Variants in SLC66A2 observed in about 807,000 individuals in gnomAD.
SLC66A2 encodes the protein PQ loop repeat containing 1.
In SLC66A2, 23 loss-of-function variants were observed where a neutral mutation model predicts 25.5. The observed-to-expected ratio is 0.90, with a 90% CI of 0.65 to 1.28. The LOEUF is 1.28. SLC66A2 is among the 50% of genes most tolerant of loss of function. The pLI, the probability that SLC66A2 is intolerant of heterozygous loss-of-function variation, is 0.00. For missense variants in SLC66A2, 396 were observed against 373.1 expected (o/e 1.06, Z -0.51); for synonymous variants, 193 against 166.5 (o/e 1.16, Z -1.23).
Position 79,922,864 on chromosome 18 carries a change from C to T in SLC66A2, c.392-3464G>A, listed in dbSNP as rs1985425102. ...TTGGGGTATGGTGAGGTTAGGGGGG[C>T]TTGGGGGCATCAGAGGGCAGAGAGG... On this transcript the variant is annotated intron_variant, in intron 4 of 5. Transcript: ENST00000397778. 1.6e-4 allele frequency among the ~76,000 whole-genome samples: 8 copies of T among 51,464 alleles called. 1 individual carries two copies. The South Asian group carries it at 3.7e-3, about 23-fold the overall frequency. 33.8% of individuals were successfully genotyped at this position (51,464 alleles called of 152,430 possible). A position where few individuals can be genotyped will look rare whatever the true frequency, so the allele number is the denominator to read the frequency against.
intron 5 of SLC66A2, among the ~76,000 whole-genome samples, chr18:79,912,583 C>T: frequency 6.6e-6 from 1 of 152,086 alleles, no homozygotes; most frequent in South Asian, 2.1e-4. Context: ...GAAAGGCAAG[C>T]CCATGGAGAT....
chr18:79,937,892 T>C lies in SLC66A2; in HGVS notation c.338-3870A>G, dbSNP rs1391481267. Reference sequence around the variant, plus strand: ...CTGCAGGAGTACTCAGCAATCTTGTTAAAAATGCAGGTGGCACTGATGCCG... The same window carrying C: ...CTGCAGGAGTACTCAGCAATCTTGTCAAAAATGCAGGTGGCACTGATGCCG... On this transcript the variant is annotated intron_variant, in intron 3 of 5. Coordinates refer to ENST00000397778, the MANE Select transcript of SLC66A2 (RefSeq NM_025078.5). The surrounding 1 kb of genome is among the most constrained non-coding windows in gnomAD (Gnocchi z 5.4). Among the ~76,000 whole-genome samples, 2 of 151,954 alleles carry C rather than the reference T, an allele frequency of 1.3e-5. No homozygotes were observed. Among genetic ancestry groups the C allele is most frequent in the African/African-American group, 4.8e-5 (2 of 41,338 alleles).
chr18:79,934,403 C>T (rs1039131725), intron 3 of SLC66A2, among the ~76,000 whole-genome samples: 21 of 152,234 alleles, frequency 1.4e-4, no homozygotes, highest in African/African-American at 4.1e-4. Context: ...TTCCTAGAAA[C>T]TCATCTGTAT....
rs770962861 is a variant in SLC66A2 at position 79,925,432 on chromosome 18, G to A, written c.392-6032C>T. Among the ~76,000 whole-genome samples the A allele has an allele frequency of 5.5e-4, 84 of 152,344 alleles. 1 individual carries two copies. In the Middle Eastern group the frequency reaches 0.031, roughly 56 times the overall value. ...TTCCCGAGATGTGTTTCTAGAGAGC[G>A]GCACCAAAGATAAGGCTTGAAAACG... On this transcript the variant is annotated intron_variant, in intron 4 of 5. Transcript: ENST00000397778.
intron 3 of SLC66A2, among the ~76,000 whole-genome samples, chr18:79,938,003 CAG>C (rs1987272640): frequency 1.3e-5 from 2 of 152,212 alleles, no homozygotes; most frequent in South Asian, 4.2e-4. Context: ...CTGCCAGACA[CAG>C]GGGCTCACAC....
At position 79,933,953 on chromosome 18, in the gene SLC66A2, C is replaced by CGCGCAGGGTACAT. The variant is rs745646822; in HGVS notation, c.391+3_391+15dup. ...AAAGGAACGTGCTGCGGACAGTGCA[C>CGCGCAGGGTACAT]GCGCAGGGTACATACCCAGGAAGGA... On this transcript the variant is annotated intron_variant, in intron 4 of 5. Transcript: ENST00000397778. 11 of 1,608,344 alleles carry CGCGCAGGGTACAT rather than the reference C, an allele frequency of 6.8e-6. No homozygotes were observed. Among genetic ancestry groups the CGCGCAGGGTACAT allele is most frequent in the Non-Finnish European group, 9.3e-6 (11 of 1,177,230 alleles).
chr18:79,907,590 A>T (rs564339554), intron 5 of SLC66A2, among the ~76,000 whole-genome samples: 2 of 152,234 alleles, frequency 1.3e-5, no homozygotes, highest in South Asian at 4.1e-4. Context: ...AGCTCAGCCA[A>T]TCCACCTACC....
chr18:79,935,655 G>A (rs1464081894), intron 3 of SLC66A2, among the ~76,000 whole-genome samples: 1 of 152,216 alleles, frequency 6.6e-6, no homozygotes, highest in Non-Finnish European at 1.5e-5. Context: ...TGCTTTCTCA[G>A]GTAGCTCCCC....
At chr18:79,939,876 G>A (rs1987491920) in intron 3 of SLC66A2, among the ~76,000 whole-genome samples, 1 of 152,200 alleles carries the variant, frequency 6.6e-6, no homozygotes, top group Non-Finnish European at 1.5e-5. Context: ...GGGTATAAAC[G>A]CCAGGAATAT....
intron 3 of SLC66A2, chr18:79,935,445 G>C (rs1047090688): frequency 6.6e-6 from 1 of 152,336 alleles, no homozygotes; most frequent in Admixed American, 6.5e-5. Flanking sequence ...ACAGATCTGT[G>C]CTGAACACGT....
rs1265816079 is a variant in SLC66A2, at chr18:79,918,449, A to C, written c.608+735T>G. Reference sequence around the variant, plus strand: ...GGGGGGTCCCCAGTGAGGAGCGGGCACCGGGGAGGGTCCCCAGTGAGGAGC... The same window carrying C: ...GGGGGGTCCCCAGTGAGGAGCGGGCCCCGGGGAGGGTCCCCAGTGAGGAGC... On this transcript the variant is annotated intron_variant, in intron 5 of 5. Coordinates refer to ENST00000397778, the MANE Select transcript of SLC66A2 (RefSeq NM_025078.5). The surrounding 1 kb of genome is among the most constrained non-coding windows in gnomAD (Gnocchi z 4.0). 1.1e-4 allele frequency among the ~76,000 whole-genome samples: 14 copies of C among 129,544 alleles called. No individual in the cohort carries two copies. The highest frequency in any genetic ancestry group is 2.1e-4 in the Non-Finnish European group (12 of 58,298). The allele number at this position is 129,544 out of a possible 152,430, so 85.0% of individuals were successfully genotyped here. A position where few individuals can be genotyped will look rare whatever the true frequency, so the allele number is the denominator to read the frequency against.
At chr18:79,934,433 T>C (rs925591864) in intron 3 of SLC66A2, among the ~76,000 whole-genome samples, 2 of 152,204 alleles carry the variant, frequency 1.3e-5, no homozygotes, top group Non-Finnish European at 2.9e-5. Context: ...GGCTGCAATA[T>C]AGCTGCCCCA....
rs1038764108 is a variant in SLC66A2, at chr18:79,940,190, T to C, written c.337+3139A>G. ...GTGGGAGCTAAATGATGAGAACACATGGACACACAGAGGGGAACAACAGCC... is the reference window on the plus strand; with the variant it reads ...GTGGGAGCTAAATGATGAGAACACACGGACACACAGAGGGGAACAACAGCC... On this transcript the variant is annotated intron_variant, in intron 3 of 5. Transcript: ENST00000397778. The surrounding 1 kb of genome is among the most constrained non-coding windows in gnomAD (Gnocchi z 4.1). 1.3e-5 allele frequency among the ~76,000 whole-genome samples: 2 copies of C among 151,806 alleles called. No homozygotes were observed. The highest frequency in any genetic ancestry group is 4.8e-5 in the African/African-American group (2 of 41,314).
Position 79,918,335 on chromosome 18 carries a change from C to T in SLC66A2, c.608+849G>A, listed in dbSNP as rs959081719. Among the ~76,000 whole-genome samples, 6 of 151,932 alleles carry T rather than the reference C, an allele frequency of 3.9e-5. No homozygotes were observed. Among genetic ancestry groups the T allele is most frequent in the African/African-American group, 1.2e-4 (5 of 41,390 alleles). ...ACAGCCTCAGCATCTGTATTGGAGA[C>T]CAGACTCAAGCAACGTGTGGGGGCT... On this transcript the variant is annotated intron_variant, in intron 5 of 5. Transcript: ENST00000397778. The surrounding 1 kb of genome is among the most constrained non-coding windows in gnomAD (Gnocchi z 4.0).
chr18:79,950,306 G>C (rs1011536308), intron 2 of SLC66A2, among the ~76,000 whole-genome samples: 6 of 152,184 alleles, frequency 3.9e-5, no homozygotes, highest in Non-Finnish European at 2.9e-5. Flanking sequence ...ACTGCGGTGA[G>C]CTGTCATGTC....
chr18:79,918,247 G>A lies in SLC66A2; in HGVS notation c.608+937C>T, dbSNP rs1018870779. On this transcript the variant is annotated intron_variant, in intron 5 of 5. Coordinates refer to ENST00000397778, the MANE Select transcript of SLC66A2 (RefSeq NM_025078.5). The surrounding 1 kb of genome is among the most constrained non-coding windows in gnomAD (Gnocchi z 4.0). ...CGTTCTCCAACACAAAAACGCGTCA[G>A]CCCCTCTCTTCCAGGCTGTTTCCCA... 6.6e-6 allele frequency among the ~76,000 whole-genome samples: 1 copy of A among 152,202 alleles called. No homozygotes were observed. Among genetic ancestry groups the A allele is most frequent in the Non-Finnish European group, 1.5e-5 (1 of 68,030 alleles).
At chr18:79,947,032 C>T (rs2050948932) in intron 2 of SLC66A2, among the ~76,000 whole-genome samples, 1 of 152,184 alleles carries the variant, frequency 6.6e-6, no homozygotes, top group Admixed American at 6.5e-5. Context: ...ACCACTAAAG[C>T]TATCACCTTT....
Position 79,950,758 on chromosome 18 carries a change from G to A in SLC66A2, c.169C>T (p.Leu57=), listed in dbSNP as rs535499805. The A allele has an allele frequency of 6.2e-7, 1 of 1,613,284 alleles. No individual in the cohort carries two copies. The highest frequency in any genetic ancestry group is 1.1e-5 in the South Asian group (1 of 91,088). ...DGFSTYVCLV[L]LVANILRILF... ...ATCCGCAAAATGTTGGCCACCAGCA[G>A]CACCAGGCACACGTAGGTGGAGAAG... Residue 57 remains leucine (L), a synonymous_variant, in exon 2 of 6, where the codon CTG becomes TTG. Transcript: ENST00000397778.
chr18:79,941,203 C>T lies in SLC66A2; in HGVS notation c.337+2126G>A, dbSNP rs1025354536. Reference sequence around the variant, plus strand: ...CAAGTACAGGCAGAACTCAGCTCCCCGTGGTCGGGGGCTCTGCTGCCTGTA... The same window carrying T: ...CAAGTACAGGCAGAACTCAGCTCCCTGTGGTCGGGGGCTCTGCTGCCTGTA... On this transcript the variant is annotated intron_variant, in intron 3 of 5. Coordinates refer to ENST00000397778, the MANE Select transcript of SLC66A2 (RefSeq NM_025078.5). The surrounding 1 kb of genome is among the most constrained non-coding windows in gnomAD (Gnocchi z 4.1). Among the ~76,000 whole-genome samples the T allele has an allele frequency of 6.6e-6, 1 of 152,208 alleles. No homozygotes were observed. The highest frequency in any genetic ancestry group is 2.4e-5 in the African/African-American group (1 of 41,444).
Sources: gnomAD v4.1 joint callset for allele counts (sites outside exome capture counted in the v4.1 genomes callset) on GRCh38, gnomAD v4.1.1 for gene constraint, Gnocchi (gnomAD v3.1) non-coding constraint, MANE v1.5 for transcripts, NCBI Gene and HGNC (gene_info 2026-07-23, HGNC 2026-07-21) for gene names.